Variants in RERE observed in about 807,000 individuals in gnomAD.
RERE encodes arginine-glutamic acid dipeptide repeats, also known as arginine-glutamic acid dipeptide repeats protein.
RERE carries 40 observed loss-of-function variants against 146.1 expected under a neutral mutation model. That is an observed-to-expected ratio of 0.27 (90% CI 0.21 to 0.36). The LOEUF (loss-of-function observed/expected upper bound fraction) is 0.36. RERE is among the 10% of genes least tolerant of loss of function. RERE has a pLI of 1.00. For missense variants in RERE, 1,933 were observed against 2,138.7 expected, an observed-to-expected ratio of 0.90 and a Z score of 1.90; for synonymous variants, 1,003 against 866.0, an observed-to-expected ratio of 1.16 and a Z score of -2.78.
intron 1 of RERE, chr1:8,750,300 G>T: frequency 1.8e-6 from 1 of 558,838 alleles, no homozygotes; most frequent in Non-Finnish European, 3.2e-6. Context: ...TCAAGGTAAC[G>T]GAAGATGAGG....
intron 4 of RERE, among the ~76,000 whole-genome samples, chr1:8,593,652 T>G (rs1276103047): frequency 6.6e-6 from 1 of 152,264 alleles, no homozygotes; most frequent in African/African-American, 2.4e-5. Context: ...GCTGCCTGGC[T>G]GGGATGGAGG....
chr1:8,521,402 G>T (rs956923402), intron 7 of RERE, among the ~76,000 whole-genome samples: 2 of 152,134 alleles, frequency 1.3e-5, no homozygotes, highest in African/African-American at 4.8e-5. Flanking sequence ...ACTATTTTGG[G>T]AGGCCAAGAC....
intron 12 of RERE, among the ~76,000 whole-genome samples, chr1:8,370,496 T>C (rs1570070164): frequency 6.6e-6 from 1 of 152,344 alleles, no homozygotes; most frequent in African/African-American, 2.4e-5. Context: ...ATACCATATA[T>C]GGCAGGTTAC....
intron 1 of RERE, among the ~76,000 whole-genome samples, chr1:8,794,207 C>G (rs2124580066): frequency 6.6e-6 from 1 of 151,086 alleles, no homozygotes; most frequent in South Asian, 2.1e-4. Flanking sequence ...AACATCCTGG[C>G]TAACACATGG....
intron 2 of RERE, among the ~76,000 whole-genome samples, chr1:8,636,635 A>T (rs1161040423): frequency 6.6e-6 from 1 of 152,188 alleles, no homozygotes; most frequent in African/African-American, 2.4e-5. Flanking sequence ...CTCTCAGAAT[A>T]AAGACACTTC....
intron 4 of RERE, among the ~76,000 whole-genome samples, chr1:8,599,377 G>A (rs1442883939): frequency 1.3e-5 from 2 of 152,150 alleles, no homozygotes; most frequent in African/African-American, 4.8e-5. Context: ...TTAATCAAGT[G>A]TCAGGTCAAT....
At chr1:8,764,665 C>T (rs149739518) in intron 1 of RERE, among the ~76,000 whole-genome samples, 10 of 152,280 alleles carry the variant, frequency 6.6e-5, no homozygotes, top group African/African-American at 1.7e-4. Flanking sequence ...GTTCACCACA[C>T]AGCCATTACT....
chr1:8,549,055 T>C (rs566795045), intron 6 of RERE, among the ~76,000 whole-genome samples: 5 of 152,322 alleles, frequency 3.3e-5, no homozygotes, highest in African/African-American at 1.2e-4. Context: ...AGTCTGGAGT[T>C]AGGGGAAGTT....
At chr1:8,727,642 C>T (rs1008808794) in intron 1 of RERE, among the ~76,000 whole-genome samples, 7 of 152,232 alleles carry the variant, frequency 4.6e-5, no homozygotes, top group South Asian at 2.1e-4. Context: ...TACAGGCACG[C>T]GCCACCACGT....
At chr1:8,651,563 T>C (rs1647632991) in intron 2 of RERE, among the ~76,000 whole-genome samples, 1 of 152,030 alleles carries the variant, frequency 6.6e-6, no homozygotes. Flanking sequence ...TAGTAGTTTA[T>C]ATCAAGAAAG....
chr1:8,763,828 C>A (rs1446414487), intron 1 of RERE, among the ~76,000 whole-genome samples: 1 of 151,750 alleles, frequency 6.6e-6, no homozygotes, highest in Non-Finnish European at 1.5e-5. Flanking sequence ...GTAGTCCCAA[C>A]TACTCGGGAG....
chr1:8,795,911 G>A (rs767538694), intron 1 of RERE, among the ~76,000 whole-genome samples: 3 of 144,624 alleles, frequency 2.1e-5, no homozygotes, highest in Admixed American at 1.5e-4. Context: ...GAACCTAGGA[G>A]ACAGAGGTTG....
chr1:8,725,135 T>C (rs1639935526), intron 1 of RERE, among the ~76,000 whole-genome samples: 1 of 152,150 alleles, frequency 6.6e-6, no homozygotes, highest in Non-Finnish European at 1.5e-5. Flanking sequence ...ATAACAATAA[T>C]CAAAGGCAAT....
chr1:8,727,587 G>A (rs550553276), intron 1 of RERE, among the ~76,000 whole-genome samples: 5 of 152,176 alleles, frequency 3.3e-5, no homozygotes, highest in East Asian at 1.9e-4. Flanking sequence ...TCTGCCTCCC[G>A]GGTTCAAGCG....
chr1:8,685,625 T>C (rs1330966688), intron 1 of RERE, among the ~76,000 whole-genome samples: 2 of 152,172 alleles, frequency 1.3e-5, no homozygotes, highest in Non-Finnish European at 2.9e-5. Context: ...TAGTCCCAGC[T>C]ACTCTACTGT....
intron 8 of RERE, 86 bp from the exon 9 acceptor site, chr1:8,497,615 A>T: frequency 7.1e-7 from 1 of 1,415,688 alleles, no homozygotes; most frequent in East Asian, 2.3e-5. Context: ...AGGAACATAT[A>T]CAATGTTTTA....
intron 21 of RERE, 71 bp from the exon 22 acceptor site, chr1:8,355,670 A>G: frequency 7.4e-7 from 1 of 1,356,166 alleles, no homozygotes; most frequent in Non-Finnish European, 1.0e-6. Flanking sequence ...CGGCACAGGC[A>G]CAGCAAACGG....
At chr1:8,692,296 T>C (rs1353910761) in intron 1 of RERE, among the ~76,000 whole-genome samples, 1 of 152,112 alleles carries the variant, frequency 6.6e-6, no homozygotes, top group African/African-American at 2.4e-5. Context: ...CACTCGTATA[T>C]AAAACGGTAT....
intron 1 of RERE, among the ~76,000 whole-genome samples, chr1:8,771,923 AAAAAAAGAAAG>A (rs1318886053): frequency 6.6e-6 from 1 of 151,666 alleles, no homozygotes; most frequent in East Asian, 1.9e-4. Flanking sequence ...AAAAAAAAAA[AAAAAAAGAAAG>A]AAAAAAGAAA....
Sources: gnomAD v4.1 joint callset for allele counts (sites outside exome capture counted in the v4.1 genomes callset) on GRCh38, gnomAD v4.1.1 for gene constraint, MANE v1.5 for transcripts, NCBI Gene and HGNC (gene_info 2026-07-23, HGNC 2026-07-21) for gene names.